The following ABCC5 variants were observed in gnomAD, a reference collection of about 807,000 sequenced individuals.
ABCC5 encodes ATP-binding cassette sub-family C member 5.
In ABCC5, 61 loss-of-function variants were observed where a neutral mutation model predicts 160.9. The ratio of observed to expected loss-of-function variants is 0.38; its 90% confidence interval spans 0.31 to 0.47. The LOEUF is 0.47. ABCC5 is among the 20% of genes least tolerant of loss of function. The probability of loss-of-function intolerance (pLI) is 0.99; values close to 1 mark genes in which losing one functional copy is unlikely to be tolerated. For synonymous variants in ABCC5, 666 were observed against 700.6 expected (o/e 0.95, Z 0.78); for missense variants, 1,308 against 1,813.3 (o/e 0.72, Z 5.06).
intron 2 of ABCC5, among the ~76,000 whole-genome samples, chr3:183,994,474 C>G (rs1409222086): frequency 6.6e-6 from 1 of 152,060 alleles, no homozygotes; most frequent in African/African-American, 2.4e-5. Context: ...CTCCAGGGTT[C>G]AAGCAATTCT....
intron 29 of ABCC5, among the ~76,000 whole-genome samples, chr3:183,922,137 C>T (rs1254793829): frequency 7.3e-5 from 11 of 151,312 alleles, no homozygotes; most frequent in African/African-American, 2.4e-4. Context: ...TTTGGGAGGT[C>T]GAGGCAGGCG....
chr3:183,959,210 C>G (rs1312279924), intron 17 of ABCC5, among the ~76,000 whole-genome samples: 3 of 152,106 alleles, frequency 2.0e-5, no homozygotes, highest in South Asian at 4.1e-4. Context: ...GTTTAAGAAA[C>G]AGGATCAAGG....
Position 183,971,721 on chromosome 3 carries a change from G to T in ABCC5, c.1603C>A (p.Arg535Ser). The change falls in exon 11 of 30, where the codon CGC becomes AGC. Residue 535 changes from arginine to serine, a missense_variant. Physicochemically the swap from Arg to Ser is moderately radical, Grantham distance 110. Transcript: ENST00000334444. ...GCCAGCACCGCCTGATGCTCAGTGC[G>T]CTGCAGCTGCCTCACCTTCTCTTTC... ...GKKEKVRQLQ[R>S]TEHQAVLAEQ... is the part of the protein sequence containing the mutation. 1.9e-6 allele frequency: 3 copies of T among 1,614,214 alleles called. No homozygotes were observed. Among genetic ancestry groups the T allele is most frequent in the African/African-American group, 1.3e-5 (1 of 75,056 alleles).
rs1378848412 is a variant in ABCC5, at chr3:183,963,355, G to A, written c.2235+30C>T. The A allele has an allele frequency of 3.7e-6, 6 of 1,611,656 alleles. No homozygotes were observed. Among genetic ancestry groups the A allele is most frequent in the Non-Finnish European group, 4.2e-6 (5 of 1,177,720 alleles). On this transcript the variant is annotated intron_variant, in intron 15 of 29. Coordinates refer to ENST00000334444, the MANE Select transcript of ABCC5 (RefSeq NM_005688.4). The surrounding 1 kb of genome is among the most constrained non-coding windows in gnomAD (Gnocchi z 4.6). Reference sequence around the variant, plus strand: ...CCTGTTTCTGATTTCCCAAACTCAGGCAGGCAGCCGAGGGAAGAAAGAACC... The same window carrying A: ...CCTGTTTCTGATTTCCCAAACTCAGACAGGCAGCCGAGGGAAGAAAGAACC...
At chr3:183,975,571 G>A (rs1718141165) in intron 10 of ABCC5, among the ~76,000 whole-genome samples, 1 of 151,960 alleles carries the variant, frequency 6.6e-6, no homozygotes, top group Admixed American at 6.6e-5. Context: ...TTGAACTCCT[G>A]ACCTCAAGTG....
intron 11 of ABCC5, among the ~76,000 whole-genome samples, chr3:183,970,180 C>T (rs1232329135): frequency 4.6e-5 from 7 of 152,306 alleles, no homozygotes; most frequent in South Asian, 4.1e-4. Context: ...GGCACCACCT[C>T]TGCCCTTGGC....
chr3:183,984,446 G>A lies in ABCC5; in HGVS notation c.592-1439C>T, dbSNP rs1031942095. The A allele has an allele frequency of 6.5e-5, 66 of 1,017,646 alleles. No individual in the cohort carries two copies. The African/African-American group carries it at 1.1e-3, about 17-fold the overall frequency. 63.0% of individuals were successfully genotyped at this position (1,017,646 alleles called of 1,614,324 possible). A position where few individuals can be genotyped will look rare whatever the true frequency, so the allele number is the denominator to read the frequency against. On this transcript the variant is annotated intron_variant, in intron 5 of 29. Transcript: ENST00000334444. The stretch of plus-strand genomic sequence containing the variant: ...GAGCTGAATGACAGACAAAAATGGA[G>A]GCCAGACACCACGGTCTGGAGGTAG...
At chr3:183,943,864 C>T (rs553368948) in intron 24 of ABCC5, among the ~76,000 whole-genome samples, 6 of 151,790 alleles carry the variant, frequency 4.0e-5, no homozygotes, top group East Asian at 3.9e-4. Flanking sequence ...TGTACACACA[C>T]GGGTCATCTA....
At position 183,963,151 on chromosome 3, in the gene ABCC5, T is replaced by C. The variant is rs1453760910; in HGVS notation, c.2235+234A>G. Among the ~76,000 whole-genome samples the C allele has an allele frequency of 2.0e-5, 3 of 152,238 alleles. No individual in the cohort carries two copies. The highest frequency in any genetic ancestry group is 2.9e-5 in the Non-Finnish European group (2 of 68,038). ...TTTGGCCTGCTCCTCTCAGCCCTTT[T>C]ACTTGCTGATCTATATGCAGAAGCT... On this transcript the variant is annotated intron_variant, in intron 15 of 29. Coordinates refer to ENST00000334444, the MANE Select transcript of ABCC5 (RefSeq NM_005688.4). The surrounding 1 kb of genome is among the most constrained non-coding windows in gnomAD (Gnocchi z 4.6).
At chr3:183,953,048 C>G in intron 18 of ABCC5, 38 bp downstream of exon 18, 1 of 1,584,954 alleles carries the variant, frequency 6.3e-7, no homozygotes, top group South Asian at 1.2e-5. Flanking sequence ...CGGCCACATT[C>G]TTAGACACAG....
At chr3:183,934,578 C>G (rs1713498157) in intron 26 of ABCC5, among the ~76,000 whole-genome samples, 1 of 152,242 alleles carries the variant, frequency 6.6e-6, no homozygotes, top group South Asian at 2.1e-4. Flanking sequence ...ACATTTCTTT[C>G]TCTGGAGACA....
chr3:183,997,536 A>T (rs1576923806), intron 2 of ABCC5, among the ~76,000 whole-genome samples: 1 of 152,084 alleles, frequency 6.6e-6, no homozygotes. Flanking sequence ...TCTTCCCTGT[A>T]CCTATACCAC....
chr3:183,923,043 C>G (rs1051149383), intron 29 of ABCC5, among the ~76,000 whole-genome samples: 6 of 152,100 alleles, frequency 3.9e-5, no homozygotes, highest in Non-Finnish European at 7.4e-5. Flanking sequence ...CTGTTGGAGT[C>G]TGTGTGTGCA....
rs1173467055 is a variant in ABCC5, at chr3:183,963,226, C to T, written c.2235+159G>A. Among the ~76,000 whole-genome samples the T allele has an allele frequency of 1.3e-5, 2 of 152,198 alleles. No individual in the cohort carries two copies. The highest frequency in any genetic ancestry group is 2.9e-5 in the Non-Finnish European group (2 of 68,044). On this transcript the variant is annotated intron_variant, in intron 15 of 29. Transcript: ENST00000334444. The surrounding 1 kb of genome is among the most constrained non-coding windows in gnomAD (Gnocchi z 4.6). ...TAGATGGCCATCTGTTACACTGGTA[C>T]AGTGAGCTTTATTGGTACAGGGGGC...
intron 2 of ABCC5, chr3:184,009,924 G>A: frequency 2.4e-6 from 1 of 424,728 alleles, no homozygotes; most frequent in Non-Finnish European, 4.8e-6. Context: ...TGAGGCGGGA[G>A]GCTTGCTTGA....
chr3:183,948,150 C>A (rs981832223), intron 22 of ABCC5, among the ~76,000 whole-genome samples: 1 of 152,198 alleles, frequency 6.6e-6, no homozygotes, highest in Non-Finnish European at 1.5e-5. Context: ...CTCAGTGCAC[C>A]ATGTACGACT....
chr3:183,924,285 G>T (rs996831497), intron 29 of ABCC5, among the ~76,000 whole-genome samples: 9 of 152,128 alleles, frequency 5.9e-5, no homozygotes. Context: ...CTCCCAAACT[G>T]CTGGGATTAC....
intron 25 of ABCC5, among the ~76,000 whole-genome samples, chr3:183,941,837 T>C (rs1714380945): frequency 6.6e-6 from 1 of 151,454 alleles, no homozygotes; most frequent in African/African-American, 2.4e-5. Flanking sequence ...ACAAAAAAAT[T>C]AGCTGGCGCC....
chr3:183,965,670 A>G (rs1273765831), intron 12 of ABCC5, among the ~76,000 whole-genome samples, 169 bp from the exon 13 acceptor site: 3 of 152,236 alleles, frequency 2.0e-5, no homozygotes, highest in Non-Finnish European at 4.4e-5. Context: ...AGCAGCAAAG[A>G]AAATCAAAGT....
Sources: gnomAD v4.1 joint callset for allele counts (sites outside exome capture counted in the v4.1 genomes callset) on GRCh38, gnomAD v4.1.1 for gene constraint, Gnocchi (gnomAD v3.1) non-coding constraint, MANE v1.5 for transcripts, NCBI Gene and HGNC (gene_info 2026-07-23, HGNC 2026-07-21) for gene names.